Variants in ZNF106 observed in about 807,000 individuals in gnomAD.
ZNF106 encodes SH3-domain binding protein 3.
In ZNF106, 67 loss-of-function variants were observed where a neutral mutation model predicts 195.1. That is an observed-to-expected ratio of 0.34 (90% CI 0.28 to 0.42). The LOEUF (loss-of-function observed/expected upper bound fraction) is 0.42, where lower values mean the gene tolerates loss of function less well. ZNF106 is among the 10% of genes least tolerant of loss of function. ZNF106 has a pLI of 1.00. For synonymous variants in ZNF106, 784 were observed against 818.6 expected (o/e 0.96, Z 0.72); for missense variants, 2,118 against 2,304.5 (o/e 0.92, Z 1.66).
rs2054398707 is a variant in ZNF106 at position 42,415,065 on chromosome 15, GCTTGTGGGGCCATATATTAT to G, written c.*2219_*2238del. 1 of 153,884 alleles carries G rather than the reference GCTTGTGGGGCCATATATTAT, an allele frequency of 6.5e-6. No homozygotes were observed. Among genetic ancestry groups the G allele is most frequent in the Admixed American group, 6.5e-5 (1 of 15,346 alleles). The allele number at this position is 153,884 out of a possible 1,614,324, so 9.5% of individuals were successfully genotyped here. A position where few individuals can be genotyped will look rare whatever the true frequency, so the allele number is the denominator to read the frequency against. On this transcript the variant is annotated 3_prime_UTR_variant, in exon 22 of 22. Transcript: ENST00000564754. Reference sequence around the variant, plus strand: ...CTTTCCCCAAGGACAGAAGTCAAGAGCTTGTGGGGCCATATATTATCTAGTACTAGGCCATTCATTATCTC... The same window carrying G: ...CTTTCCCCAAGGACAGAAGTCAAGAGCTAGTACTAGGCCATTCATTATCTC...
At chr15:42,478,664 A>G (rs1182293326) in intron 1 of ZNF106, among the ~76,000 whole-genome samples, 1 of 151,648 alleles carries the variant, frequency 6.6e-6, no homozygotes, top group Non-Finnish European at 1.5e-5. Flanking sequence ...GGCACCTGCC[A>G]CCACGCCCAG....
chr15:42,468,549 C>G (rs1007877088), intron 2 of ZNF106, among the ~76,000 whole-genome samples: 3 of 150,720 alleles, frequency 2.0e-5, no homozygotes, highest in Non-Finnish European at 4.4e-5. Flanking sequence ...TCGAGACCAG[C>G]CTGACCAACA....
intron 3 of ZNF106, among the ~76,000 whole-genome samples, chr15:42,463,171 A>T (rs2056433094): frequency 6.6e-6 from 1 of 152,138 alleles, no homozygotes; most frequent in Non-Finnish European, 1.5e-5. Flanking sequence ...TTTGAATGCA[A>T]TGGGCTTCTC....
chr15:42,453,950 T>A (rs936430046), intron 4 of ZNF106, among the ~76,000 whole-genome samples: 6 of 152,182 alleles, frequency 3.9e-5, no homozygotes, highest in Non-Finnish European at 8.8e-5. Flanking sequence ...TTGCCTAGAA[T>A]AAGATAGCCA....
chr15:42,455,765 ATAAC>A (rs1356068807), intron 4 of ZNF106, among the ~76,000 whole-genome samples: 2 of 152,218 alleles, frequency 1.3e-5, no homozygotes, highest in African/African-American at 4.8e-5. Context: ...CAGACGGGGT[ATAAC>A]TAGTATTCAA....
rs56924955 is a variant in ZNF106, at chr15:42,440,998, AATATATATATATATATAT to A, written c.3763+1057_3763+1074del. Among the ~76,000 whole-genome samples, 25 of 23,582 alleles carry A rather than the reference AATATATATATATATATAT, an allele frequency of 1.1e-3. 1 individual carries two copies. The highest frequency in any genetic ancestry group is 5.1e-3 in the East Asian group (4 of 790). 15.5% of individuals were successfully genotyped at this position (23,582 alleles called of 152,430 possible). A position where few individuals can be genotyped will look rare whatever the true frequency, so the allele number is the denominator to read the frequency against. ...AAACTCTGTCTAAAAAAAAAAAAAA[AATATATATATATATATAT>A]ATATATATATATATATATATATATA... On this transcript the variant is annotated intron_variant, in intron 10 of 21. Transcript: ENST00000564754.
rs2054671703 is a variant in ZNF106, at chr15:42,421,909, ACACT to A, written c.5445+4_5445+7del. The A allele has an allele frequency of 1.3e-6, 2 of 1,539,000 alleles. No homozygotes were observed. Among genetic ancestry groups the A allele is most frequent in the Non-Finnish European group, 1.8e-6 (2 of 1,135,996 alleles). On this transcript the variant is annotated splice_donor_5th_base_variant and intron_variant, in intron 19 of 21. Transcript: ENST00000564754. ...AAGCAAATATCTTACATGACAAATA[ACACT>A]CACCATGCTTTTATGGATGGTCATA...
chr15:42,453,920 C>T (rs1595473673), intron 4 of ZNF106, among the ~76,000 whole-genome samples: 1 of 152,210 alleles, frequency 6.6e-6, no homozygotes, highest in East Asian at 1.9e-4. Flanking sequence ...AGAAATTGAG[C>T]AGTAGAGAGA....
intron 3 of ZNF106, among the ~76,000 whole-genome samples, chr15:42,460,860 C>CAAAAAAAA (rs34054288): frequency 9.0e-6 from 1 of 110,592 alleles, no homozygotes; most frequent in Admixed American, 1.0e-4. Context: ...AACTCCGTCT[C>CAAAAAAAA]AAAAAAAAAA....
intron 1 of ZNF106, among the ~76,000 whole-genome samples, chr15:42,480,046 T>C (rs2056868032): frequency 6.6e-6 from 1 of 152,102 alleles, no homozygotes; most frequent in Non-Finnish European, 1.5e-5. Flanking sequence ...ATTGGGTCTC[T>C]TCATGTTGGC....
intron 6 of ZNF106, 57 bp downstream of exon 6, chr15:42,448,015 A>G: frequency 1.3e-6 from 2 of 1,526,036 alleles, no homozygotes; most frequent in Non-Finnish European, 1.8e-6. Context: ...CTTTTTTCAT[A>G]AGCAACCAAC....
intron 14 of ZNF106, among the ~76,000 whole-genome samples, chr15:42,429,968 G>C (rs1041650214): frequency 1.3e-5 from 2 of 152,040 alleles, no homozygotes; most frequent in African/African-American, 4.8e-5. Context: ...ATTAGCTTTA[G>C]AAGAAGGTTA....
At chr15:42,483,218 T>A (rs2056941752) in intron 1 of ZNF106, among the ~76,000 whole-genome samples, 1 of 152,190 alleles carries the variant, frequency 6.6e-6, no homozygotes, top group Non-Finnish European at 1.5e-5. Context: ...TGTATTTCCA[T>A]CCAGATGTAA....
intron 5 of ZNF106, among the ~76,000 whole-genome samples, chr15:42,449,560 T>A (rs1460653731): frequency 6.6e-6 from 1 of 152,222 alleles, no homozygotes; most frequent in Non-Finnish European, 1.5e-5. Context: ...TAGGTGTGCT[T>A]CCATTTTAAC....
intron 15 of ZNF106, 140 bp downstream of exon 15, chr15:42,427,878 A>G: frequency 1.5e-6 from 1 of 648,032 alleles, no homozygotes; most frequent in South Asian, 1.9e-5. Flanking sequence ...TCAGAAGATA[A>G]CTGTGTTTGA....
chr15:42,464,516 A>G (rs1459656054), intron 3 of ZNF106, among the ~76,000 whole-genome samples: 1 of 146,378 alleles, frequency 6.8e-6, no homozygotes, highest in African/African-American at 2.6e-5. Context: ...GAATATACAC[A>G]TGCTACTTTT....
intron 4 of ZNF106, among the ~76,000 whole-genome samples, chr15:42,453,634 C>T (rs1194206551): frequency 1.4e-5 from 2 of 147,510 alleles, no homozygotes; most frequent in African/African-American, 2.5e-5. Context: ...CTCGCTTTGT[C>T]GCCCAGGCTG....
intron 3 of ZNF106, among the ~76,000 whole-genome samples, chr15:42,459,646 A>G (rs1189445344): frequency 6.6e-6 from 1 of 152,220 alleles, no homozygotes; most frequent in East Asian, 1.9e-4. Context: ...ATATAAATCT[A>G]TCACAATGGG....
intron 1 of ZNF106, among the ~76,000 whole-genome samples, chr15:42,472,984 C>A (rs1047235319): frequency 6.9e-6 from 1 of 144,510 alleles, no homozygotes; most frequent in Admixed American, 7.2e-5. Context: ...CCAGCCTGGG[C>A]GACAGAGCAA....
Sources: allele counts gnomAD v4.1 joint callset (sites outside exome capture counted in the v4.1 genomes callset), GRCh38; gene constraint gnomAD v4.1.1; transcripts MANE v1.5; gene names NCBI Gene and HGNC (gene_info 2026-07-23, HGNC 2026-07-21).